Variants in DLGAP2 observed in about 807,000 individuals in gnomAD.
DLGAP2 encodes the protein DLG associated protein 2, also known as disks large-associated protein 2.
Under a neutral mutation model 100.3 loss-of-function variants are expected in DLGAP2, and 26 were observed. The observed-to-expected ratio is 0.26, with a 90% CI of 0.19 to 0.36. The LOEUF is 0.36. Among genes scored for constraint, DLGAP2 ranks in the 10% least tolerant of loss-of-function variants. The pLI, the probability that DLGAP2 is intolerant of heterozygous loss-of-function variation, is 1.00. For missense variants in DLGAP2, 1,858 were observed against 1,453.2 expected (o/e 1.28, Z -4.53); for synonymous variants, 886 against 630.1 (o/e 1.41, Z -6.08).
chr8:1,251,925 T>A (rs1799049524), intron 2 of DLGAP2, among the ~76,000 whole-genome samples: 1 of 152,270 alleles, frequency 6.6e-6, no homozygotes, highest in African/African-American at 2.4e-5. Flanking sequence ...GGGCCTGTTT[T>A]CCCACAGTCA....
At chr8:907,170 T>C (rs1308375095) in intron 1 of DLGAP2, among the ~76,000 whole-genome samples, 1 of 152,210 alleles carries the variant, frequency 6.6e-6, no homozygotes, top group Non-Finnish European at 1.5e-5. Context: ...GACTTGTAGA[T>C]GCTGTCTTCA....
At chr8:1,583,923 A>AC (rs1236102001) in intron 6 of DLGAP2, among the ~76,000 whole-genome samples, 1 of 151,948 alleles carries the variant, frequency 6.6e-6, no homozygotes, top group Non-Finnish European at 1.5e-5. Context: ...TCGGCTGTTC[A>AC]CCGTCTCCTC....
chr8:778,649 G>C lies in DLGAP2; in HGVS notation c.18+40824G>C, dbSNP rs78367135. Among the ~76,000 whole-genome samples, 4 of 152,312 alleles carry C rather than the reference G, an allele frequency of 2.6e-5. No individual in the cohort carries two copies. The East Asian group carries it at 7.7e-4, about 29-fold the overall frequency. On this transcript the variant is annotated intron_variant, in intron 1 of 14. Coordinates refer to ENST00000637795, the MANE Select transcript of DLGAP2 (RefSeq NM_001346810.2). ...TTGGGGGGTGCCTCCCAGTTAGGCT[G>C]CTCAGGGGTCAGGGGTCAGGCACCC...
chr8:1,329,578 C>G (rs1801101916), intron 3 of DLGAP2, among the ~76,000 whole-genome samples: 3 of 152,184 alleles, frequency 2.0e-5, no homozygotes, highest in African/African-American at 7.2e-5. Flanking sequence ...TCGGTAGATG[C>G]TTACTGACTA....
At chr8:1,639,991 C>T (rs1394521760) in intron 8 of DLGAP2, among the ~76,000 whole-genome samples, 2 of 152,206 alleles carry the variant, frequency 1.3e-5, no homozygotes, top group African/African-American at 2.4e-5. Context: ...GTACCATGGT[C>T]ACAGGTTCTG....
At chr8:1,162,958 CAG>C (rs1169625422) in intron 2 of DLGAP2, among the ~76,000 whole-genome samples, 4 of 152,198 alleles carry the variant, frequency 2.6e-5, no homozygotes, top group Admixed American at 1.3e-4. Flanking sequence ...GGAGGAAAGT[CAG>C]AGCTTGGTAG....
chr8:1,060,424 T>TGTGGATA, intron 2 of DLGAP2, among the ~76,000 whole-genome samples: 3 of 151,624 alleles, frequency 2.0e-5, no homozygotes, highest in African/African-American at 7.3e-5. Flanking sequence ...GCTGTGTCCT[T>TGTGGATA]GCTGTGTCCT....
chr8:903,665 C>T (rs1798309625), intron 1 of DLGAP2, among the ~76,000 whole-genome samples: 1 of 152,058 alleles, frequency 6.6e-6, no homozygotes, highest in Non-Finnish European at 1.5e-5. Flanking sequence ...GTGAATGGCA[C>T]GGCCATGGAG....
chr8:917,423 A>G (rs910131931), intron 2 of DLGAP2, among the ~76,000 whole-genome samples: 4 of 152,018 alleles, frequency 2.6e-5, no homozygotes, highest in Non-Finnish European at 5.9e-5. Context: ...ATTTTTATAG[A>G]GGTGAAGTCT....
At chr8:1,092,746 C>A (rs890881910) in intron 2 of DLGAP2, among the ~76,000 whole-genome samples, 2 of 152,146 alleles carry the variant, frequency 1.3e-5, no homozygotes, top group Non-Finnish European at 2.9e-5. Flanking sequence ...GGCCTGGGAG[C>A]CCAGATGTGG....
At chr8:1,286,801 C>G (rs1379486673) in intron 3 of DLGAP2, among the ~76,000 whole-genome samples, 1 of 152,224 alleles carries the variant, frequency 6.6e-6, no homozygotes, top group Admixed American at 6.5e-5. Context: ...GGATTCAACT[C>G]AACTCCTGTG....
rs940434433 is a variant in DLGAP2, at chr8:1,514,365, G to A, written c.172+12934G>A. ...GTTTTCAATGGCACACATGGTTCCT[G>A]CTTTCTGTTTCACATAACACAGAAC... On this transcript the variant is annotated intron_variant, in intron 4 of 14. Transcript: ENST00000637795. 9.2e-5 allele frequency among the ~76,000 whole-genome samples: 14 copies of A among 152,334 alleles called. No homozygotes were observed. In the South Asian group the frequency reaches 2.1e-3, roughly 23 times the overall value.
intron 1 of DLGAP2, among the ~76,000 whole-genome samples, chr8:864,640 C>T (rs1489331104): frequency 1.3e-5 from 2 of 152,156 alleles, no homozygotes; most frequent in Admixed American, 1.3e-4. Flanking sequence ...TGAGGAGCTA[C>T]AAGCATAGGA....
intron 6 of DLGAP2, among the ~76,000 whole-genome samples, chr8:1,575,259 G>A (rs1802917797): frequency 6.6e-6 from 1 of 152,216 alleles, no homozygotes; most frequent in South Asian, 2.1e-4. Flanking sequence ...GTGAATGGAA[G>A]CAGAGGGCAT....
intron 1 of DLGAP2, among the ~76,000 whole-genome samples, chr8:833,384 G>A (rs1178162523): frequency 2.6e-5 from 4 of 152,184 alleles, no homozygotes; most frequent in Non-Finnish European, 4.4e-5. Context: ...GCTAAAATCC[G>A]GGTGTCAGCC....
chr8:973,248 G>T (rs1259973548), intron 2 of DLGAP2, among the ~76,000 whole-genome samples: 4 of 145,502 alleles, frequency 2.7e-5, no homozygotes, highest in African/African-American at 5.0e-5. Context: ...CCGGGCGGAG[G>T]CTGTCCCCCC....
At chr8:1,415,873 C>G (rs2129904821) in intron 3 of DLGAP2, among the ~76,000 whole-genome samples, 1 of 152,294 alleles carries the variant, frequency 6.6e-6, no homozygotes, top group East Asian at 1.9e-4. Flanking sequence ...TTTGAGAAAT[C>G]TTCAAGCTGC....
intron 2 of DLGAP2, among the ~76,000 whole-genome samples, chr8:1,057,658 A>G (rs1271448735): frequency 6.6e-6 from 1 of 152,242 alleles, no homozygotes; most frequent in Non-Finnish European, 1.5e-5. Flanking sequence ...CAAACAAGAA[A>G]ACCTCCGGTG....
At chr8:1,381,388 A>G (rs1177739739) in intron 3 of DLGAP2, 3 of 152,186 alleles carry the variant, frequency 2.0e-5, no homozygotes, top group African/African-American at 4.8e-5. Flanking sequence ...CAGTTTGGCA[A>G]TTTGAACTGA....
Sources: gnomAD v4.1 joint callset for allele counts (sites outside exome capture counted in the v4.1 genomes callset) on GRCh38, gnomAD v4.1.1 for gene constraint, MANE v1.5 for transcripts, NCBI Gene and HGNC (gene_info 2026-07-23, HGNC 2026-07-21) for gene names.